Variants in IFRD1 observed in about 807,000 individuals in gnomAD.
IFRD1 encodes the protein interferon-related developmental regulator 1.
In IFRD1, 35 loss-of-function variants were observed where a neutral mutation model predicts 52.9. That is an observed-to-expected ratio of 0.66 (90% CI 0.51 to 0.88). The LOEUF is 0.88. Among genes scored for constraint, IFRD1 ranks in the 40% least tolerant of loss-of-function variants. IFRD1 has a pLI of 0.00. For synonymous variants in IFRD1, 184 were observed against 188.4 expected (o/e 0.98, Z 0.19); for missense variants, 517 against 550.8 (o/e 0.94, Z 0.61).
chr7:112,468,212 C>A, intron 9 of IFRD1, 97 bp downstream of exon 9: 1 of 1,326,386 alleles, frequency 7.5e-7, no homozygotes, highest in Non-Finnish European at 1.1e-6. Flanking sequence ...TGAATTTCAC[C>A]TTTGAAAATA....
chr7:112,454,577 A>G (rs1364516170), intron 1 of IFRD1, among the ~76,000 whole-genome samples: 2 of 152,170 alleles, frequency 1.3e-5, no homozygotes, highest in Admixed American at 1.3e-4. Context: ...ACTATATCAA[A>G]TACCAAAACT....
chr7:112,458,982 T>C lies in IFRD1; in HGVS notation c.531T>C (p.Ile177=). 1 of 1,613,926 alleles carries C rather than the reference T, an allele frequency of 6.2e-7. No individual in the cohort carries two copies. The highest frequency in any genetic ancestry group is 8.5e-7 in the Non-Finnish European group (1 of 1,179,864). ...KTLGPILKKI[I]CDGSASMQAR... ...TTGGACCAATCCTAAAGAAAATCAT[T>C]TGTGATGGGTCAGCTAGTATGCAGG... is the stretch of plus-strand genomic sequence containing the variant. Residue 177 remains isoleucine, a synonymous_variant, in exon 5 of 12, where the codon ATT becomes ATC. Coordinates refer to ENST00000403825, the MANE Select transcript of IFRD1 (RefSeq NM_001550.4).
intron 5 of IFRD1, among the ~76,000 whole-genome samples, chr7:112,460,627 A>G (rs1455247693): frequency 2.0e-5 from 3 of 152,170 alleles, no homozygotes; most frequent in Admixed American, 6.5e-5. Flanking sequence ...GCTTAGCAGT[A>G]GGGATTATGG....
intron 1 of IFRD1, among the ~76,000 whole-genome samples, chr7:112,426,825 C>A (rs1347378597): frequency 2.0e-5 from 3 of 152,152 alleles, no homozygotes; most frequent in Non-Finnish European, 4.4e-5. Context: ...TTATTGTAAC[C>A]CAGTCATTTC....
intron 1 of IFRD1, among the ~76,000 whole-genome samples, chr7:112,432,211 C>T (rs1466449539): frequency 2.6e-5 from 4 of 152,172 alleles, no homozygotes; most frequent in Non-Finnish European, 5.9e-5. Flanking sequence ...GGCATTGTAA[C>T]TGTAAGTGGT....
At chr7:112,436,284 C>G (rs528237749) in intron 1 of IFRD1, among the ~76,000 whole-genome samples, 1 of 152,134 alleles carries the variant, frequency 6.6e-6, no homozygotes, top group South Asian at 2.1e-4. Flanking sequence ...AATATTTGTT[C>G]AAGGAACACG....
intron 1 of IFRD1, among the ~76,000 whole-genome samples, chr7:112,437,917 A>G (rs1033433855): frequency 7.2e-5 from 11 of 152,194 alleles, no homozygotes; most frequent in African/African-American, 2.7e-4. Flanking sequence ...ATGGTTTAGC[A>G]TGCTGAATGA....
intron 1 of IFRD1, among the ~76,000 whole-genome samples, chr7:112,454,268 A>T (rs1372935644): frequency 6.6e-6 from 1 of 151,646 alleles, no homozygotes; most frequent in Non-Finnish European, 1.5e-5. Context: ...ATCTCGGCTC[A>T]CTGCAGTCTG....
intron 3 of IFRD1, among the ~76,000 whole-genome samples, chr7:112,456,350 G>A (rs2117295757): frequency 6.6e-6 from 1 of 152,202 alleles, no homozygotes; most frequent in South Asian, 2.1e-4. Context: ...TAGCATAATA[G>A]CACATACATA....
chr7:112,459,136 TC>T, intron 5 of IFRD1, 118 bp downstream of exon 5: 1 of 882,360 alleles, frequency 1.1e-6, no homozygotes, highest in Non-Finnish European at 1.8e-6. Context: ...ATCTTGTAAG[TC>T]CAGGAGTTTG....
rs1795906890 is a variant in IFRD1, at chr7:112,476,485, CT to C, written c.*967del. 6.6e-6 allele frequency: 1 copy of C among 152,128 alleles called. No homozygotes were observed. The highest frequency in any genetic ancestry group is 1.5e-5 in the Non-Finnish European group (1 of 68,070). 9.4% of individuals were successfully genotyped at this position (152,128 alleles called of 1,614,324 possible). ...CCAGCCTGGGCAACATAGCGAGACC[CT>C]GTCTCTACCAGAAATTTAAAAAATG... On this transcript the variant is annotated 3_prime_UTR_variant, in exon 12 of 12. Coordinates refer to ENST00000403825, the MANE Select transcript of IFRD1 (RefSeq NM_001550.4).
At chr7:112,431,017 C>T (rs976444561) in intron 1 of IFRD1, among the ~76,000 whole-genome samples, 1 of 152,194 alleles carries the variant, frequency 6.6e-6, no homozygotes, top group African/African-American at 2.4e-5. Flanking sequence ...CCCTCCCTCC[C>T]ACCTTCTTTT....
At chr7:112,461,667 C>T (rs1795437071) in intron 5 of IFRD1, 199 bp from the exon 6 acceptor site, 2 of 352,742 alleles carry the variant, frequency 5.7e-6, no homozygotes, top group Admixed American at 8.6e-5. Context: ...AATTTAGTAG[C>T]AGAGCTTGAG....
intron 11 of IFRD1, 74 bp downstream of exon 11, chr7:112,472,935 CT>C (rs1303921500): frequency 6.3e-6 from 6 of 950,158 alleles, no homozygotes; most frequent in Non-Finnish European, 1.0e-5. Flanking sequence ...AGCAACTTAG[CT>C]GTGTCTACCT....
chr7:112,468,141 CT>C, intron 9 of IFRD1, 26 bp downstream of exon 9: 2 of 1,610,356 alleles, frequency 1.2e-6, no homozygotes, highest in Non-Finnish European at 1.7e-6. Flanking sequence ...GCTGTAATAG[CT>C]TCTCATTTTG....
intron 1 of IFRD1, among the ~76,000 whole-genome samples, chr7:112,438,591 A>G (rs1006399866): frequency 2.0e-5 from 3 of 152,232 alleles, no homozygotes; most frequent in Non-Finnish European, 2.9e-5. Flanking sequence ...TTATCATAAG[A>G]AACAGAACCT....
chr7:112,440,403 T>G (rs1794849599), intron 1 of IFRD1, among the ~76,000 whole-genome samples: 1 of 152,216 alleles, frequency 6.6e-6, no homozygotes, highest in Non-Finnish European at 1.5e-5. Flanking sequence ...CTCTCTTGAT[T>G]TTAATAAAAC....
At chr7:112,437,618 T>C (rs1794737173) in intron 1 of IFRD1, among the ~76,000 whole-genome samples, 1 of 151,760 alleles carries the variant, frequency 6.6e-6, no homozygotes, top group African/African-American at 2.4e-5. Flanking sequence ...TCAGAAAATG[T>C]ACCTTTTAAT....
chr7:112,426,311 T>C (rs1794427362), intron 1 of IFRD1, among the ~76,000 whole-genome samples: 1 of 152,224 alleles, frequency 6.6e-6, no homozygotes, highest in African/African-American at 2.4e-5. Flanking sequence ...TATGGACATT[T>C]GGCCAAGAGT....
Sources: gnomAD v4.1 joint callset for allele counts (sites outside exome capture counted in the v4.1 genomes callset) on GRCh38, gnomAD v4.1.1 for gene constraint, MANE v1.5 for transcripts, NCBI Gene and HGNC (gene_info 2026-07-23, HGNC 2026-07-21) for gene names.